The following PCDH7 variants were observed in gnomAD, a reference collection of about 807,000 sequenced individuals.
The protein encoded by PCDH7 is protocadherin 7.
A neutral mutation model predicts 58.9 loss-of-function variants in PCDH7; 17 were observed. The observed-to-expected ratio is 0.29, with a 90% confidence interval of 0.20 to 0.43. PCDH7 has a LOEUF of 0.43. Among genes scored for constraint, PCDH7 ranks in the 20% least tolerant of loss-of-function variants. PCDH7 has a pLI of 1.00. For missense variants in PCDH7, 1,274 were observed against 1,441.0 expected (o/e 0.88, Z 1.88); for synonymous variants, 664 against 616.4 (o/e 1.08, Z -1.14).
At chr4:30,980,382 A>AT (rs1361364248) in intron 3 of PCDH7, among the ~76,000 whole-genome samples, 1 of 152,016 alleles carries the variant, frequency 6.6e-6, no homozygotes, top group African/African-American at 2.4e-5. Flanking sequence ...CTTGGTTTTT[A>AT]TTTTTTTGTT....
intron 1 of PCDH7, among the ~76,000 whole-genome samples, chr4:30,835,714 G>A (rs1012416335): frequency 3.3e-5 from 5 of 152,102 alleles, no homozygotes; most frequent in Admixed American, 2.6e-4. Flanking sequence ...CAGCCATTAT[G>A]TATATTTCAC....
intron 3 of PCDH7, among the ~76,000 whole-genome samples, chr4:31,077,426 A>G (rs1252589062): frequency 6.7e-6 from 1 of 149,790 alleles, no homozygotes; most frequent in Non-Finnish European, 1.5e-5. Context: ...AAAAAAAAAG[A>G]AAAAGAAAAA....
intron 2 of PCDH7, among the ~76,000 whole-genome samples, chr4:30,923,480 T>G (rs1743443666): frequency 6.6e-6 from 1 of 152,168 alleles, no homozygotes. Flanking sequence ...TTTAACAAGC[T>G]TTACGCTATA....
chr4:30,813,163 A>T (rs1727229592), intron 1 of PCDH7, among the ~76,000 whole-genome samples: 1 of 152,214 alleles, frequency 6.6e-6, no homozygotes, highest in Non-Finnish European at 1.5e-5. Flanking sequence ...TCATATAAGA[A>T]AGCAGTTGGA....
chr4:30,977,943 A>C (rs1011911352), intron 3 of PCDH7, among the ~76,000 whole-genome samples: 2 of 152,216 alleles, frequency 1.3e-5, no homozygotes, highest in African/African-American at 4.8e-5. Context: ...ATAGTGATGC[A>C]GAGATGCATG....
chr4:30,916,385 C>A (rs997486501), intron 1 of PCDH7, among the ~76,000 whole-genome samples: 3 of 152,086 alleles, frequency 2.0e-5, no homozygotes, highest in African/African-American at 7.2e-5. Flanking sequence ...TAAAGAAATT[C>A]TTTGATTTTC....
chr4:30,972,473 A>C lies in PCDH7; in HGVS notation c.*7+22258A>C, dbSNP rs115419834. ...AGGGGCCACTCTGTCATCTACAAAA[A>C]ATAGTCGAATGAAGTGAGCCAGCCC... On this transcript the variant is annotated intron_variant, in intron 3 of 3. Transcript: ENST00000509759. 2.3e-3 allele frequency among the ~76,000 whole-genome samples: 355 copies of C among 152,326 alleles called. 1 individual carries two copies. The highest frequency in any genetic ancestry group is 3.7e-3 in the Non-Finnish European group (255 of 68,030).
At position 30,953,426 on chromosome 4, in the gene PCDH7, A is replaced by G. The variant is rs551055657; in HGVS notation, c.*7+3211A>G. On this transcript the variant is annotated intron_variant, in intron 3 of 3. Coordinates refer to the PCDH7 transcript ENST00000509759. ...ATATTACTTGATTGCAAATCTTTTT[A>G]GTATTCTGGTTATTTTCATTTTCTC... is the stretch of plus-strand genomic sequence containing the variant. Among the ~76,000 whole-genome samples the G allele has an allele frequency of 7.2e-5, 11 of 152,130 alleles. No individual in the cohort carries two copies. In the South Asian group the frequency reaches 2.1e-3, roughly 29 times the overall value.
At chr4:30,854,576 G>A (rs1481040750) in intron 1 of PCDH7, among the ~76,000 whole-genome samples, 1 of 151,788 alleles carries the variant, frequency 6.6e-6, no homozygotes, top group Non-Finnish European at 1.5e-5. Context: ...TTTTTAAAGG[G>A]AAAAAACACT....
intron 3 of PCDH7, among the ~76,000 whole-genome samples, chr4:30,998,304 A>C (rs1014631230): frequency 5.9e-5 from 9 of 152,122 alleles, no homozygotes; most frequent in African/African-American, 2.2e-4. Flanking sequence ...GCCATTGAAG[A>C]GATTCATGAG....
At position 31,094,894 on chromosome 4, in the gene PCDH7, A is replaced by G. The variant is rs1238500065; in HGVS notation, c.*8-47579A>G. On this transcript the variant is annotated intron_variant, in intron 3 of 3. Coordinates refer to the PCDH7 transcript ENST00000509759. ...ACCTAGAGTTTGGAAGCTAGCATCA[A>G]ATACCAATTTACCGTATAATTCTTC... Among the ~76,000 whole-genome samples the G allele has an allele frequency of 2.0e-5, 3 of 152,162 alleles. No individual in the cohort carries two copies. The East Asian group carries it at 5.8e-4, about 29-fold the overall frequency.
intron 3 of PCDH7, among the ~76,000 whole-genome samples, chr4:31,116,144 C>T (rs1716955339): frequency 6.6e-6 from 1 of 152,132 alleles, no homozygotes; most frequent in Admixed American, 6.6e-5. Context: ...ATAAGTGCCT[C>T]TGACACTACA....
At chr4:30,803,268 T>C (rs1011228406) in intron 1 of PCDH7, among the ~76,000 whole-genome samples, 3 of 152,180 alleles carry the variant, frequency 2.0e-5, no homozygotes, top group Non-Finnish European at 2.9e-5. Flanking sequence ...TGAGTGTGAT[T>C]GCCAAAGCTG....
chr4:30,922,949 T>C (rs1466809170), intron 2 of PCDH7, among the ~76,000 whole-genome samples: 3 of 152,182 alleles, frequency 2.0e-5, no homozygotes, highest in African/African-American at 7.2e-5. Flanking sequence ...GGTAATTTCA[T>C]CTTCAGTATT....
downstream of PCDH7, among the ~76,000 whole-genome samples, chr4:30,734,779 C>T (rs1162590430): frequency 2.0e-5 from 3 of 152,194 alleles, no homozygotes; most frequent in African/African-American, 7.2e-5. Context: ...AAACAAAGGG[C>T]CTAGGCTTTG....
intron 3 of PCDH7, among the ~76,000 whole-genome samples, chr4:30,975,518 A>G (rs1479061236): frequency 6.6e-6 from 1 of 152,160 alleles, no homozygotes; most frequent in East Asian, 1.9e-4. Context: ...CAGCAGACAC[A>G]TTCCAGAGAT....
chr4:31,049,671 C>T (rs960665221), intron 3 of PCDH7, among the ~76,000 whole-genome samples: 47 of 152,156 alleles, frequency 3.1e-4, no homozygotes, highest in African/African-American at 1.1e-3. Flanking sequence ...CAGGGTCAGA[C>T]GCCTTCATCA....
intron 3 of PCDH7, among the ~76,000 whole-genome samples, chr4:30,995,713 G>A (rs1056578401): frequency 6.6e-6 from 1 of 152,142 alleles, no homozygotes; most frequent in Non-Finnish European, 1.5e-5. Context: ...CTAATGGAGA[G>A]AATCCCTTTT....
At chr4:30,741,658 C>T (rs139362488) in intron 1 of PCDH7, among the ~76,000 whole-genome samples, 3 of 152,296 alleles carry the variant, frequency 2.0e-5, no homozygotes, top group South Asian at 2.1e-4. Flanking sequence ...TGGAAACAAC[C>T]AACTTAGAGG....
Sources: gnomAD v4.1 joint callset for allele counts (sites outside exome capture counted in the v4.1 genomes callset) on GRCh38, gnomAD v4.1.1 for gene constraint, MANE v1.5 for transcripts, NCBI Gene and HGNC (gene_info 2026-07-23, HGNC 2026-07-21) for gene names.